IL19: variants seen among roughly 807,000 people sequenced by gnomAD.
IL19 encodes the protein interleukin-19.
In IL19, 15 loss-of-function variants were observed where a neutral mutation model predicts 19.5. The observed-to-expected ratio is 0.77, with a 90% confidence interval of 0.52 to 1.19. The LOEUF is 1.19. IL19 is among the 50% of genes most tolerant of loss of function. The pLI, the probability that IL19 is intolerant of heterozygous loss-of-function variation, is 0.00. For missense variants in IL19, 199 were observed against 213.1 expected (o/e 0.93, Z 0.41); for synonymous variants, 78 against 78.3 (o/e 1.00, Z 0.02).
At position 206,842,908 on chromosome 1, in the gene IL19, G is replaced by T; in HGVS notation, c.*286G>T. 3.5e-6 allele frequency: 1 copy of T among 283,364 alleles called. No homozygotes were observed. Among genetic ancestry groups the T allele is most frequent in the Non-Finnish European group, 6.7e-6 (1 of 149,900 alleles). The allele number at this position is 283,364 out of a possible 1,614,324, so 17.6% of individuals were successfully genotyped here. On this transcript the variant is annotated 3_prime_UTR_variant, in exon 7 of 7. Transcript: ENST00000659997. ...GTCATATAGTCCATGTCTGTGATGT[G>T]AGCCAAGTGATATCCTGTAGTACAC...
At chr1:206,811,172 T>C (rs1378120692) in intron 2 of IL19, among the ~76,000 whole-genome samples, 3 of 152,086 alleles carry the variant, frequency 2.0e-5, no homozygotes, top group African/African-American at 7.2e-5. Context: ...AACCTAGAGA[T>C]TTTTAGTGAG....
At chr1:206,816,266 A>G (rs191473979) in intron 2 of IL19, among the ~76,000 whole-genome samples, 1 of 152,220 alleles carries the variant, frequency 6.6e-6, no homozygotes, top group Non-Finnish European at 1.5e-5. Context: ...CTACATGCGT[A>G]AATGTATAAG....
intron 1 of IL19, among the ~76,000 whole-genome samples, chr1:206,777,254 A>C: frequency 7.3e-6 from 1 of 136,342 alleles, no homozygotes; most frequent in Non-Finnish European, 1.6e-5. Flanking sequence ...AAAAAAAAAA[A>C]AATTTAGCTA....
intron 1 of IL19, among the ~76,000 whole-genome samples, chr1:206,783,568 C>T (rs1418660326): frequency 2.0e-5 from 3 of 152,180 alleles, no homozygotes; most frequent in Non-Finnish European, 2.9e-5. Flanking sequence ...GGGTTGTGCA[C>T]TTGAGCCTCT....
At chr1:206,798,514 T>C (rs998076935) in intron 1 of IL19, among the ~76,000 whole-genome samples, 1 of 152,210 alleles carries the variant, frequency 6.6e-6, no homozygotes, top group Non-Finnish European at 1.5e-5. Flanking sequence ...CTTTCATTAG[T>C]CCTTTCCACA....
At chr1:206,801,753 TAAG>T (rs1457122021) in intron 2 of IL19, among the ~76,000 whole-genome samples, 2 of 152,228 alleles carry the variant, frequency 1.3e-5, no homozygotes, top group African/African-American at 4.8e-5. Context: ...CTTATGTTCT[TAAG>T]TAGACTGAAT....
At chr1:206,822,918 CCTTTCTTTTT>C (rs1193635607) in intron 2 of IL19, among the ~76,000 whole-genome samples, 1 of 151,874 alleles carries the variant, frequency 6.6e-6, no homozygotes, top group Admixed American at 6.6e-5. Flanking sequence ...CTGCATGGAT[CCTTTCTTTTT>C]CTTTCTTTTT....
intron 2 of IL19, among the ~76,000 whole-genome samples, chr1:206,832,370 A>G (rs1350070888): frequency 6.6e-6 from 1 of 152,230 alleles, no homozygotes; most frequent in Non-Finnish European, 1.5e-5. Context: ...TCCAGTGTCT[A>G]TAGACCTAAT....
intron 1 of IL19, among the ~76,000 whole-genome samples, chr1:206,791,150 T>C (rs1449850775): frequency 2.0e-5 from 3 of 152,252 alleles, no homozygotes; most frequent in Non-Finnish European, 4.4e-5. Context: ...GAACTTTTCC[T>C]TTTCCTTCTT....
intron 2 of IL19, among the ~76,000 whole-genome samples, chr1:206,818,185 T>C (rs1442561808): frequency 6.6e-6 from 1 of 152,216 alleles, no homozygotes; most frequent in Non-Finnish European, 1.5e-5. Flanking sequence ...TTAACATATA[T>C]AGAACACTCT....
chr1:206,822,874 C>T (rs1386698573), intron 2 of IL19, among the ~76,000 whole-genome samples: 1 of 152,024 alleles, frequency 6.6e-6, no homozygotes, highest in Admixed American at 6.6e-5. Context: ...GTGGTTGCAG[C>T]CTTGTGGGGG....
chr1:206,808,423 T>G (rs189224973), intron 2 of IL19, among the ~76,000 whole-genome samples: 1 of 152,098 alleles, frequency 6.6e-6, no homozygotes, highest in African/African-American at 2.4e-5. Flanking sequence ...TAACCGTGCA[T>G]GTAGAGTGAC....
intron 2 of IL19, among the ~76,000 whole-genome samples, chr1:206,830,390 T>A (rs1426141414): frequency 6.6e-6 from 1 of 152,028 alleles, no homozygotes; most frequent in East Asian, 1.9e-4. Flanking sequence ...AGGAGAAACT[T>A]CTTTAGGTTT....
chr1:206,831,613 T>G lies in IL19; in HGVS notation c.-2-5048T>G, dbSNP rs1337691855. ...TAAATGTCATTTTCAAGTTGCTTAT[T>G]ATGCGCCAGGTACTGTGCTGAGGAA... On this transcript the variant is annotated intron_variant, in intron 2 of 6. Transcript: ENST00000659997. Among the ~76,000 whole-genome samples the G allele has an allele frequency of 5.3e-5, 8 of 152,244 alleles. No individual in the cohort carries two copies. In the East Asian group the frequency reaches 5.8e-4, roughly 11 times the overall value.
At chr1:206,826,362 G>A (rs906350147) in intron 2 of IL19, among the ~76,000 whole-genome samples, 8 of 152,202 alleles carry the variant, frequency 5.3e-5, no homozygotes, top group African/African-American at 1.9e-4. Flanking sequence ...AGGAAAGGAA[G>A]TCTGAACTAC....
intron 2 of IL19, among the ~76,000 whole-genome samples, chr1:206,832,670 C>T (rs1676648911): frequency 6.6e-6 from 1 of 152,150 alleles, no homozygotes; most frequent in African/African-American, 2.4e-5. Flanking sequence ...ATTCTATGTT[C>T]ATACAGAAAA....
chr1:206,837,968 G>A (rs1004190320), intron 4 of IL19, among the ~76,000 whole-genome samples: 2 of 152,190 alleles, frequency 1.3e-5, no homozygotes, highest in Non-Finnish European at 1.5e-5. Flanking sequence ...TGCTCAGAGG[G>A]GATTAGGATT....
chr1:206,807,759 A>G (rs1675886470), intron 2 of IL19, among the ~76,000 whole-genome samples: 1 of 152,212 alleles, frequency 6.6e-6, no homozygotes, highest in African/African-American at 2.4e-5. Context: ...CTGAATTCCC[A>G]GGTCTTAGCA....
At chr1:206,801,418 A>C (rs931798941) in intron 2 of IL19, among the ~76,000 whole-genome samples, 3 of 152,208 alleles carry the variant, frequency 2.0e-5, no homozygotes, top group African/African-American at 7.2e-5. Flanking sequence ...ACTCAAGGCC[A>C]TTGGCACCTG....
Sources: allele counts gnomAD v4.1 joint callset (sites outside exome capture counted in the v4.1 genomes callset), GRCh38; gene constraint gnomAD v4.1.1; transcripts MANE v1.5; gene names NCBI Gene and HGNC (gene_info 2026-07-23, HGNC 2026-07-21).